The following POC1A variants were observed in gnomAD, a reference collection of about 807,000 sequenced individuals.
POC1A encodes POC1 centriolar protein A, also known as POC1 centriolar protein homolog A.
A neutral mutation model predicts 47.8 loss-of-function variants in POC1A; 34 were observed. The ratio of observed to expected loss-of-function variants is 0.71; its 90% CI spans 0.54 to 0.95. POC1A has a LOEUF of 0.95. Among genes scored for constraint, POC1A ranks in the 40% least tolerant of loss-of-function variants. The probability of loss-of-function intolerance (pLI) is 0.00; values close to 1 mark genes in which losing one functional copy is unlikely to be tolerated. For missense variants in POC1A, 466 were observed against 528.3 expected (o/e 0.88, Z 1.16); for synonymous variants, 177 against 207.6 (o/e 0.85, Z 1.27).
intron 6 of POC1A, among the ~76,000 whole-genome samples, chr3:52,145,129 C>T (rs977133023): frequency 6.6e-6 from 1 of 152,230 alleles, no homozygotes. Flanking sequence ...GAGCCCATCC[C>T]TGGAACTGGG....
At chr3:52,133,066 G>T (rs1212313899) in intron 7 of POC1A, among the ~76,000 whole-genome samples, 1 of 151,962 alleles carries the variant, frequency 6.6e-6, no homozygotes, top group African/African-American at 2.4e-5. Context: ...AAGAAAGAAA[G>T]AAATTGAATC....
intron 2 of POC1A, 68 bp from the exon 3 acceptor site, chr3:52,150,055 A>C (rs1444978783): frequency 7.1e-7 from 1 of 1,402,394 alleles, no homozygotes; most frequent in Non-Finnish European, 9.8e-7. Flanking sequence ...AAGACATTGG[A>C]GAGGCAGGGG....
chr3:52,120,014 A>C (rs778083881), intron 9 of POC1A, among the ~76,000 whole-genome samples: 6 of 152,198 alleles, frequency 3.9e-5, no homozygotes, highest in Non-Finnish European at 8.8e-5. Flanking sequence ...CAGTCCCCAG[A>C]TACGGTCTCG....
chr3:52,127,699 CTT>C (rs1270637480), intron 7 of POC1A, among the ~76,000 whole-genome samples: 14 of 141,684 alleles, frequency 9.9e-5, no homozygotes, highest in Admixed American at 1.4e-4. Context: ...AGTCACAAAC[CTT>C]TTTTTTTTTT....
chr3:52,088,169 G>C (rs1702524108), intron 10 of POC1A, among the ~76,000 whole-genome samples: 1 of 152,070 alleles, frequency 6.6e-6, no homozygotes, highest in Non-Finnish European at 1.5e-5. Flanking sequence ...GTATAGCCTG[G>C]CGAGTCGGGC....
At chr3:52,110,016 G>C (rs1326485479) in intron 9 of POC1A, among the ~76,000 whole-genome samples, 1 of 152,050 alleles carries the variant, frequency 6.6e-6, no homozygotes, top group South Asian at 2.1e-4. Context: ...CCCCAAAACT[G>C]ACAAATAAGG....
At chr3:52,081,714 G>A (rs751114647) in intron 10 of POC1A, among the ~76,000 whole-genome samples, 16 of 152,292 alleles carry the variant, frequency 1.1e-4, no homozygotes, top group East Asian at 3.9e-4. Context: ...GAGCAGGAGG[G>A]TGCTGGGGGG....
At chr3:52,078,577 C>T (rs1232320932) in intron 10 of POC1A, among the ~76,000 whole-genome samples, 1 of 142,538 alleles carries the variant, frequency 7.0e-6, no homozygotes, top group Non-Finnish European at 1.5e-5. Flanking sequence ...GTGGCGCGAT[C>T]TCGGCTCACG....
chr3:52,093,576 T>A (rs1000277964), intron 10 of POC1A, among the ~76,000 whole-genome samples: 8 of 152,146 alleles, frequency 5.3e-5, no homozygotes, highest in African/African-American at 1.9e-4. Context: ...GCCTATGAAG[T>A]GGGTATTATT....
At chr3:52,117,225 C>T (rs995990204) in intron 9 of POC1A, among the ~76,000 whole-genome samples, 10 of 151,880 alleles carry the variant, frequency 6.6e-5, no homozygotes, top group East Asian at 1.9e-4. Flanking sequence ...TGGGGGCACA[C>T]GCCTATAGTC....
intron 7 of POC1A, among the ~76,000 whole-genome samples, chr3:52,131,856 C>T (rs148303138): frequency 2.0e-5 from 3 of 152,222 alleles, no homozygotes; most frequent in East Asian, 1.9e-4. Context: ...AGGAAACGCG[C>T]GCCTCCAACC....
chr3:52,094,770 G>A (rs1376127823), intron 10 of POC1A, among the ~76,000 whole-genome samples: 15 of 152,356 alleles, frequency 9.8e-5, no homozygotes, highest in African/African-American at 2.6e-4. Flanking sequence ...GCATCTGGTC[G>A]GGGGTGGCCT....
At chr3:52,144,166 C>T (rs544457745) in intron 6 of POC1A, among the ~76,000 whole-genome samples, 10 of 152,234 alleles carry the variant, frequency 6.6e-5, no homozygotes, top group Non-Finnish European at 1.5e-4. Flanking sequence ...TGTCCTGCCT[C>T]GTCGCCTTCC....
Position 52,147,107 on chromosome 3 carries a change from G to A in POC1A, c.456-12C>T. The A allele has an allele frequency of 6.2e-7, 1 of 1,601,668 alleles. No homozygotes were observed. The highest frequency in any genetic ancestry group is 1.3e-5 in the African/African-American group (1 of 74,846). ...CGTCGGGGGAGAACCTGAACCGGGT[G>A]GGGCACAAGTCACATCACAGACTAA... On this transcript the variant is annotated splice_polypyrimidine_tract_variant and intron_variant, in intron 4 of 10. Coordinates refer to ENST00000296484, the MANE Select transcript of POC1A (RefSeq NM_015426.5).
intron 10 of POC1A, among the ~76,000 whole-genome samples, chr3:52,077,788 T>C (rs1297778928): frequency 6.6e-6 from 1 of 151,522 alleles, no homozygotes; most frequent in Non-Finnish European, 1.5e-5. Flanking sequence ...GTTTTTCCTC[T>C]TCTGCCTTTT....
intron 10 of POC1A, among the ~76,000 whole-genome samples, chr3:52,095,370 T>A (rs543961463): frequency 1.3e-5 from 2 of 152,192 alleles, no homozygotes; most frequent in African/African-American, 4.8e-5. Flanking sequence ...TGGGCTATGA[T>A]GACACACCCT....
intron 10 of POC1A, among the ~76,000 whole-genome samples, chr3:52,082,951 C>T (rs1031914051): frequency 2.0e-5 from 3 of 152,164 alleles, no homozygotes; most frequent in African/African-American, 7.2e-5. Context: ...TGCTATGGTC[C>T]CCACAGGGCT....
intron 9 of POC1A, among the ~76,000 whole-genome samples, chr3:52,116,790 C>T (rs1435689060): frequency 1.3e-5 from 2 of 152,150 alleles, no homozygotes; most frequent in African/African-American, 4.8e-5. Flanking sequence ...GTAGTTCACA[C>T]CTATAATCCC....
Position 52,101,168 on chromosome 3 carries a change from T to C in POC1A, c.982-4456A>G, listed in dbSNP as rs891262753. ...TATCTAGGGAGGAGGGCCAAGAACA[T>C]GGAAAAAAGCATGCCCCTCTGAGGG... On this transcript the variant is annotated intron_variant, in intron 9 of 10. Coordinates refer to ENST00000296484, the MANE Select transcript of POC1A (RefSeq NM_015426.5). Among the ~76,000 whole-genome samples, 52 of 144,292 alleles carry C rather than the reference T, an allele frequency of 3.6e-4. 1 individual carries two copies. The highest frequency in any genetic ancestry group is 3.0e-3 in the Admixed American group (44 of 14,590). 94.7% of individuals were successfully genotyped at this position (144,292 alleles called of 152,430 possible).
Sources: allele counts gnomAD v4.1 joint callset (sites outside exome capture counted in the v4.1 genomes callset), GRCh38; gene constraint gnomAD v4.1.1; transcripts MANE v1.5; gene names NCBI Gene and HGNC (gene_info 2026-07-23, HGNC 2026-07-21).